MME: variants seen among roughly 807,000 people sequenced by gnomAD.
MME encodes the protein neprilysin.
In MME, 98 loss-of-function variants were observed where a neutral mutation model predicts 113.2. The observed-to-expected ratio is 0.87, with a 90% CI of 0.74 to 1.02. MME has a LOEUF of 1.02. Among genes scored for constraint, MME ranks in the 50% least tolerant of loss-of-function variants. The probability of loss-of-function intolerance (pLI) is 0.00; values close to 1 mark genes in which losing one functional copy is unlikely to be tolerated. For missense variants in MME, 836 were observed against 896.0 expected (o/e 0.93, Z 0.86); for synonymous variants, 292 against 300.6 (o/e 0.97, Z 0.30).
Position 155,116,767 on chromosome 3 carries a change from A to T in MME, c.535+8A>T, listed in dbSNP as rs780909886. ...ACTGGGAGCAAAAATATGGTAAGGC[A>T]ATTTTCCTACTAAAAAAGAAATTTC... On this transcript the variant is annotated splice_region_variant and intron_variant, in intron 6 of 22. Transcript: ENST00000360490. 5 of 1,609,554 alleles carry T rather than the reference A, an allele frequency of 3.1e-6. No individual in the cohort carries two copies. The highest frequency in any genetic ancestry group is 3.4e-6 in the Non-Finnish European group (4 of 1,176,138).
chr3:155,140,167 A>T, intron 9 of MME, 24 bp from the exon 10 acceptor site: 1 of 1,518,802 alleles, frequency 6.6e-7, no homozygotes, highest in Non-Finnish European at 9.1e-7. Flanking sequence ...ATTCTAAAAT[A>T]ATGATTAAAA....
At chr3:155,026,184 T>C (rs1249815980) in intron 1 of MME, among the ~76,000 whole-genome samples, 1 of 151,802 alleles carries the variant, frequency 6.6e-6, no homozygotes, top group East Asian at 1.9e-4. Flanking sequence ...GTTTGTTTGT[T>C]TGTTGGGGTA....
intron 3 of MME, among the ~76,000 whole-genome samples, chr3:155,092,604 C>T (rs1466432777): frequency 1.3e-5 from 2 of 151,878 alleles, no homozygotes; most frequent in East Asian, 3.9e-4. Flanking sequence ...GGAAATATCC[C>T]AAATATGTAT....
chr3:155,132,374 C>G (rs1720210630), intron 8 of MME, among the ~76,000 whole-genome samples: 1 of 152,144 alleles, frequency 6.6e-6, no homozygotes, highest in Admixed American at 6.5e-5. Flanking sequence ...ATAGTCCTAA[C>G]TAGAGTAACT....
chr3:155,125,093 C>G (rs567290680), intron 8 of MME, among the ~76,000 whole-genome samples: 1 of 141,904 alleles, frequency 7.0e-6, no homozygotes, highest in African/African-American at 2.6e-5. Context: ...TAGGACCCTC[C>G]GAGCCAGGTG....
chr3:155,133,352 A>G (rs1469784064), intron 8 of MME, among the ~76,000 whole-genome samples: 1 of 151,716 alleles, frequency 6.6e-6, no homozygotes, highest in Admixed American at 6.6e-5. Flanking sequence ...CCATGTAGCT[A>G]TATTAAATAC....
chr3:155,171,013 G>C (rs1377182985), intron 20 of MME, among the ~76,000 whole-genome samples: 2 of 152,010 alleles, frequency 1.3e-5, no homozygotes, highest in East Asian at 3.9e-4. Flanking sequence ...ATTCCATCTT[G>C]GCTGAAAGTG....
rs61488351 is a variant in MME, at chr3:155,119,125, T to TA, written c.720+320dup. Among the ~76,000 whole-genome samples the TA allele has an allele frequency of 3.1e-3, 476 of 152,316 alleles. 2 individuals are homozygous for TA. The highest frequency in any genetic ancestry group is 0.01 in the African/African-American group (430 of 41,566). On this transcript the variant is annotated intron_variant, in intron 8 of 22. Transcript: ENST00000360490. ...TAATCCACCTGTAAACTGCATTATT[T>TA]AAAAAATGAAAAGATTTATCATGGT...
intron 8 of MME, among the ~76,000 whole-genome samples, chr3:155,119,863 C>T (rs1383663263): frequency 1.4e-5 from 1 of 72,286 alleles, no homozygotes; most frequent in Non-Finnish European, 2.5e-5. Context: ...TGAATAATGC[C>T]GCAATAAACA....
chr3:155,042,333 A>G (rs1377124015), intron 1 of MME, among the ~76,000 whole-genome samples: 4 of 152,198 alleles, frequency 2.6e-5, no homozygotes, highest in African/African-American at 7.2e-5. Flanking sequence ...TGGACCCACA[A>G]TTTAACAAAA....
intron 9 of MME, among the ~76,000 whole-genome samples, chr3:155,139,356 C>T (rs183978554): frequency 2.7e-4 from 41 of 152,202 alleles, no homozygotes; most frequent in African/African-American, 8.2e-4. Context: ...GTCTTTGAAT[C>T]ATTTATGCAT....
chr3:155,064,276 G>C (rs1436705544), intron 1 of MME, among the ~76,000 whole-genome samples: 1 of 152,012 alleles, frequency 6.6e-6, no homozygotes, highest in Non-Finnish European at 1.5e-5. Flanking sequence ...GCAACAGAGT[G>C]AGACTCTGTC....
At chr3:155,167,142 T>C (rs1423517953) in intron 18 of MME, 121 bp downstream of exon 18, 4 of 1,296,826 alleles carry the variant, frequency 3.1e-6, no homozygotes, top group Non-Finnish European at 4.4e-6. Flanking sequence ...TCTCTAATTT[T>C]CACCACACTT....
chr3:155,116,750 C>CAAAAAT lies in MME; in HGVS notation c.528_533dup (p.Lys177_Tyr178insTer). ...GCCAGTAGCAACAGAAAACTGGGAG[C>CAAAAAT]AAAAATATGGTAAGGCAATTTTCCT... On this transcript the variant is annotated stop_gained and inframe_insertion, in exon 6 of 23. Coordinates refer to ENST00000360490, the MANE Select transcript of MME (RefSeq NM_007289.4). LOFTEE classifies it high-confidence loss of function. The CAAAAAT allele has an allele frequency of 6.2e-7, 1 of 1,612,966 alleles. No individual in the cohort carries two copies. The highest frequency in any genetic ancestry group is 1.7e-4 in the Middle Eastern group (1 of 6,052).
intron 3 of MME, among the ~76,000 whole-genome samples, chr3:155,088,739 A>G (rs1439719143): frequency 6.6e-6 from 1 of 152,106 alleles, no homozygotes; most frequent in East Asian, 1.9e-4. Context: ...TTGAAAAAAT[A>G]TAAAATATCT....
intron 16 of MME, 28 bp downstream of exon 16, chr3:155,148,681 T>A (rs1343188287): frequency 4.7e-6 from 7 of 1,494,878 alleles, no homozygotes; most frequent in Non-Finnish European, 6.5e-6. Context: ...TCTAATGTGA[T>A]CATCTAGAAG....
chr3:155,078,548 A>T (rs1714850498), upstream of MME, among the ~76,000 whole-genome samples: 1 of 152,116 alleles, frequency 6.6e-6, no homozygotes, highest in Admixed American at 6.5e-5. Flanking sequence ...ATTTTTTAGC[A>T]CAAGGGGACT....
chr3:155,114,201 T>C (rs1718410300), intron 3 of MME, among the ~76,000 whole-genome samples: 1 of 152,304 alleles, frequency 6.6e-6, no homozygotes, highest in African/African-American at 2.4e-5. Flanking sequence ...GGAGCAGAAT[T>C]TTCTCTGTTC....
At chr3:155,025,281 GC>G in intron 1 of MME, among the ~76,000 whole-genome samples, 1 of 152,142 alleles carries the variant, frequency 6.6e-6, no homozygotes. Flanking sequence ...ATGGGTTTGT[GC>G]TTTATTCTTC....
Sources: gnomAD v4.1 joint callset for allele counts (sites outside exome capture counted in the v4.1 genomes callset) on GRCh38, gnomAD v4.1.1 for gene constraint, MANE v1.5 for transcripts, NCBI Gene and HGNC (gene_info 2026-07-23, HGNC 2026-07-21) for gene names.